The following TNRC6B variants were observed in gnomAD, a reference collection of about 807,000 sequenced individuals.
TNRC6B encodes the protein trinucleotide repeat-containing gene 6B protein.
TNRC6B carries 52 observed loss-of-function variants against 203.6 expected under a neutral mutation model. The ratio of observed to expected loss-of-function variants is 0.26; its 90% CI spans 0.20 to 0.32. The LOEUF (loss-of-function observed/expected upper bound fraction) is 0.32. Among genes scored for constraint, TNRC6B ranks in the 10% least tolerant of loss-of-function variants. The probability of loss-of-function intolerance (pLI) is 1.00; values close to 1 mark genes in which losing one functional copy is unlikely to be tolerated. For missense variants in TNRC6B, 1,923 were observed against 2,286.2 expected (o/e 0.84, Z 3.24); for synonymous variants, 838 against 845.7 (o/e 0.99, Z 0.16).
chr22:40,283,750 G>T (rs2070748055), intron 11 of TNRC6B, among the ~76,000 whole-genome samples: 1 of 152,184 alleles, frequency 6.6e-6, no homozygotes, highest in Admixed American at 6.5e-5. Flanking sequence ...GGTGGAAATT[G>T]TCTACTGGGA....
intron 1 of TNRC6B, among the ~76,000 whole-genome samples, chr22:40,107,983 G>A (rs915511844): frequency 6.6e-6 from 1 of 151,456 alleles, no homozygotes. Flanking sequence ...CACAGGAACA[G>A]AATAGCAAAC....
chr22:40,270,751 G>A (rs958529333), intron 6 of TNRC6B, among the ~76,000 whole-genome samples: 9 of 152,152 alleles, frequency 5.9e-5, no homozygotes, highest in South Asian at 2.1e-4. Context: ...AATAGCAAAC[G>A]GTTGTGGCTT....
At position 40,264,986 on chromosome 22, in the gene TNRC6B, C is replaced by T. The variant is rs369518020; in HGVS notation, c.756C>T (p.Asn252=). The change falls in exon 5 of 23, where the codon AAC becomes AAT. Residue 252 remains asparagine, a synonymous_variant. Coordinates refer to ENST00000454349, the MANE Select transcript of TNRC6B (RefSeq NM_001162501.2). ...GSQCQSASSG[N]ECNLGVWKSD... is the part of the protein sequence containing the mutation. ...AGTGCCAGTCTGCAAGTTCTGGGAACGAATGTAATCTTGGGGTCTGGAAAT... is the reference window on the plus strand; with the variant it reads ...AGTGCCAGTCTGCAAGTTCTGGGAATGAATGTAATCTTGGGGTCTGGAAAT... The T allele has an allele frequency of 1.5e-5, 24 of 1,613,798 alleles. No homozygotes were observed. Among genetic ancestry groups the T allele is most frequent in the Middle Eastern group, 1.6e-4 (1 of 6,084 alleles).
intron 1 of TNRC6B, among the ~76,000 whole-genome samples, chr22:40,194,442 ACTT>A (rs2069311684): frequency 6.6e-6 from 1 of 152,114 alleles, no homozygotes; most frequent in Non-Finnish European, 1.5e-5. Context: ...CAGACAAAAT[ACTT>A]CTCCCAGGCC....
At chr22:40,267,532 T>C (rs2070498114) in intron 5 of TNRC6B, among the ~76,000 whole-genome samples, 1 of 152,198 alleles carries the variant, frequency 6.6e-6, no homozygotes, top group African/African-American at 2.4e-5. Flanking sequence ...GGATGATTTT[T>C]AATGATTACC....
In TNRC6B at chr22:40,265,493, T is replaced by C; in HGVS notation, c.1263T>C (p.Ser421=). 1 of 1,613,350 alleles carries C rather than the reference T, an allele frequency of 6.2e-7. No homozygotes were observed. Among genetic ancestry groups the C allele is most frequent in the Non-Finnish European group, 8.5e-7 (1 of 1,179,750 alleles). ...SQSTGDRKTG[S]VGSWGAARGP... is the part of the protein sequence containing the mutation. ...GCACTGGAGATCGAAAGACTGGGAG[T>C]GTTGGATCTTGGGGTGCAGCTAGGG... The change falls in exon 5 of 23, where the codon AGT becomes AGC. Residue 421 remains serine, a synonymous_variant. Transcript: ENST00000454349.
Position 40,046,201 on chromosome 22 carries a change from C to T in TNRC6B, c.-121+1203C>T, listed in dbSNP as rs370825882. Among the ~76,000 whole-genome samples the T allele has an allele frequency of 1.2e-4, 19 of 152,356 alleles. 2 individuals are homozygous for T. Among genetic ancestry groups the T allele is most frequent in the Admixed American group, 9.8e-4 (15 of 15,306 alleles). Reference sequence around the variant, plus strand: ...GGGAGATTTCAGTAGTATAAGGTTTCTCTTGATTTGGAGAATCATCAGTGA... The same window carrying T: ...GGGAGATTTCAGTAGTATAAGGTTTTTCTTGATTTGGAGAATCATCAGTGA... On this transcript the variant is annotated intron_variant, in intron 1 of 23. Coordinates refer to the TNRC6B transcript ENST00000301923.
Position 40,086,880 on chromosome 22 carries a change from T to G in TNRC6B, c.-120-30175T>G, listed in dbSNP as rs887406156. Among the ~76,000 whole-genome samples the G allele has an allele frequency of 3.3e-5, 5 of 152,336 alleles. No individual in the cohort carries two copies. The East Asian group carries it at 9.6e-4, about 29-fold the overall frequency. On this transcript the variant is annotated intron_variant, in intron 1 of 23. Coordinates refer to the TNRC6B transcript ENST00000301923. ...GTGAAGAGAGATGCTAATAAGCTTT[T>G]CATATTTCCAGCTACATAAAAACCA...
chr22:40,301,538 G>A lies in TNRC6B; in HGVS notation c.4120+205G>A, dbSNP rs1334492975. On this transcript the variant is annotated intron_variant, in intron 15 of 22. Coordinates refer to ENST00000454349, the MANE Select transcript of TNRC6B (RefSeq NM_001162501.2). The stretch of plus-strand genomic sequence containing the variant: ...CTCACCACATGGTTACTAAATAGCA[G>A]AGCCAGGCCTCTAACTTCTCTGGCT... The A allele has an allele frequency of 6.9e-6, 4 of 576,942 alleles. No homozygotes were observed. The East Asian group carries it at 8.8e-5, about 13-fold the overall frequency. The allele number at this position is 576,942 out of a possible 1,614,324, so 35.7% of individuals were successfully genotyped here. A position where few individuals can be genotyped will look rare whatever the true frequency, so the allele number is the denominator to read the frequency against.
chr22:40,221,751 G>GGCC (rs1555890902), intron 1 of TNRC6B, among the ~76,000 whole-genome samples: 1 of 112,732 alleles, frequency 8.9e-6, no homozygotes, highest in Non-Finnish European at 1.8e-5. Flanking sequence ...CCTTCTTATT[G>GGCC]CCCCCCCCCC....
chr22:40,188,065 C>CA (rs2069226564), intron 1 of TNRC6B, among the ~76,000 whole-genome samples: 1 of 152,056 alleles, frequency 6.6e-6, no homozygotes, highest in African/African-American at 2.4e-5. Context: ...ACTAAAAATA[C>CA]AAAAAATTAG....
chr22:40,076,450 A>G (rs1462096854), intron 1 of TNRC6B, among the ~76,000 whole-genome samples: 1 of 151,832 alleles, frequency 6.6e-6, no homozygotes, highest in African/African-American at 2.4e-5. Flanking sequence ...AAATCTCTTT[A>G]TTTTTCCATC....
At chr22:40,150,947 C>A (rs1293794855) in intron 3 of TNRC6B, among the ~76,000 whole-genome samples, 2 of 152,138 alleles carry the variant, frequency 1.3e-5, no homozygotes, top group Non-Finnish European at 2.9e-5. Flanking sequence ...CCCTCCCCTC[C>A]TACACACACA....
At chr22:40,294,461 C>T (rs2070912510) in intron 12 of TNRC6B, among the ~76,000 whole-genome samples, 1 of 152,150 alleles carries the variant, frequency 6.6e-6, no homozygotes. Flanking sequence ...AGGGCCCACC[C>T]TAATTCAGTA....
chr22:40,123,497 C>T (rs2068462352), intron 2 of TNRC6B, among the ~76,000 whole-genome samples: 2 of 152,210 alleles, frequency 1.3e-5, no homozygotes, highest in Non-Finnish European at 2.9e-5. Context: ...TCTTCCTCTC[C>T]CGACCTCCTG....
chr22:40,047,219 A>AT (rs943773112), intron 1 of TNRC6B, among the ~76,000 whole-genome samples: 5 of 152,172 alleles, frequency 3.3e-5, no homozygotes, highest in Non-Finnish European at 5.9e-5. Flanking sequence ...TCCTCCTTGA[A>AT]TTATCAGAGG....
At chr22:40,137,841 G>A (rs1395740270) in intron 3 of TNRC6B, among the ~76,000 whole-genome samples, 7 of 152,042 alleles carry the variant, frequency 4.6e-5, no homozygotes, top group East Asian at 3.9e-4. Flanking sequence ...AAAATTAGCC[G>A]GGCATGGTGG....
In TNRC6B at chr22:40,266,661, C is replaced by G. The variant is rs1484668395; in HGVS notation, c.2431C>G (p.Arg811Gly). The change falls in exon 5 of 23, where the codon CGA becomes GGA. Residue 811 changes from arginine to glycine, a missense_variant. Transcript: ENST00000454349. ...KRSPAWNETG[R>G]QPNSWNKQHQ... The stretch of plus-strand genomic sequence containing the variant: ...ATCCCCAGCATGGAATGAGACGGGC[C>G]GACAGCCCAATTCCTGGAATAAACA... 1 of 1,612,962 alleles carries G rather than the reference C, an allele frequency of 6.2e-7. No individual in the cohort carries two copies. Among genetic ancestry groups the G allele is most frequent in the Non-Finnish European group, 8.5e-7 (1 of 1,179,438 alleles).
At chr22:40,299,711 C>T (rs2070996597) in intron 12 of TNRC6B, among the ~76,000 whole-genome samples, 1 of 152,230 alleles carries the variant, frequency 6.6e-6, no homozygotes, top group African/African-American at 2.4e-5. Flanking sequence ...TGCTACACTA[C>T]TTGGCACTCA....
Sources: allele counts gnomAD v4.1 joint callset (sites outside exome capture counted in the v4.1 genomes callset), GRCh38; gene constraint gnomAD v4.1.1; transcripts MANE v1.5; gene names NCBI Gene and HGNC (gene_info 2026-07-23, HGNC 2026-07-21).